The following PCDHGA3 variants were observed in gnomAD, a reference collection of about 807,000 sequenced individuals.
PCDHGA3 encodes protocadherin gamma-A3.
Under a neutral mutation model 58.5 loss-of-function variants are expected in PCDHGA3, and 40 were observed. The ratio of observed to expected loss-of-function variants is 0.68; its 90% CI spans 0.53 to 0.89. The LOEUF (loss-of-function observed/expected upper bound fraction) is 0.89. Among genes scored for constraint, PCDHGA3 ranks in the 40% least tolerant of loss-of-function variants. The pLI, the probability that PCDHGA3 is intolerant of heterozygous loss-of-function variation, is 0.00. For missense variants in PCDHGA3, 1,223 were observed against 1,195.9 expected, an observed-to-expected ratio of 1.02 and a Z score of -0.33; for synonymous variants, 530 against 525.7, an observed-to-expected ratio of 1.01 and a Z score of -0.11.
Position 141,486,006 on chromosome 5 carries a change from C to G in PCDHGA3, c.2425-8801C>G, listed in dbSNP as rs1394484191. The G allele has an allele frequency of 1.9e-6, 3 of 1,614,190 alleles. No individual in the cohort carries two copies. The highest frequency in any genetic ancestry group is 1.1e-5 in the South Asian group (1 of 91,084). On this transcript the variant is annotated intron_variant, in intron 1 of 3. Transcript: ENST00000253812. The surrounding 1 kb of genome is among the most constrained non-coding windows in gnomAD (Gnocchi z 5.0). Reference sequence around the variant, plus strand: ...GACCTGGGTCCCAGTGGTAACGTCACCTTTTATTTCAGTGGTCATACCCCT... The same window carrying G: ...GACCTGGGTCCCAGTGGTAACGTCAGCTTTTATTTCAGTGGTCATACCCCT...
At chr5:141,351,774 C>T in intron 1 of PCDHGA3, 1 of 1,613,528 alleles carries the variant, frequency 6.2e-7, no homozygotes, top group East Asian at 2.2e-5. Context: ...TCCGTGAGCC[C>T]GCAGAGCGGG....
chr5:141,357,273 C>CT (rs1760531497), intron 1 of PCDHGA3: 1 of 1,613,734 alleles, frequency 6.2e-7, no homozygotes, highest in South Asian at 1.1e-5. Flanking sequence ...GCCTCACACT[C>CT]TATCTCGTGG....
chr5:141,475,644 A>C (rs1021491842), intron 1 of PCDHGA3, among the ~76,000 whole-genome samples: 2 of 152,238 alleles, frequency 1.3e-5, no homozygotes, highest in Non-Finnish European at 2.9e-5. Context: ...TCTTGTGATC[A>C]AAGAAAGTGA....
intron 1 of PCDHGA3, among the ~76,000 whole-genome samples, chr5:141,359,359 C>A: frequency 6.6e-6 from 1 of 151,714 alleles, no homozygotes; most frequent in East Asian, 1.9e-4. Context: ...GTTTTAAAGG[C>A]CTAGGAAAGC....
intron 1 of PCDHGA3, chr5:141,427,971 C>A (rs764145525): frequency 1.3e-6 from 2 of 1,593,630 alleles, no homozygotes; most frequent in Non-Finnish European, 1.7e-6. Flanking sequence ...GGTGCTGTAC[C>A]CCGCGCTGGG....
intron 1 of PCDHGA3, chr5:141,441,823 C>T (rs538052540): frequency 3.9e-5 from 14 of 357,336 alleles, no homozygotes; most frequent in Non-Finnish European, 6.6e-5. Context: ...AGCTCTGGAG[C>T]GCAATGGCTT....
intron 1 of PCDHGA3, chr5:141,371,489 C>A (rs548103153): frequency 6.2e-6 from 10 of 1,613,918 alleles, no homozygotes; most frequent in Non-Finnish European, 8.5e-6. Flanking sequence ...TGGGGACTGC[C>A]GTTGCCCTGA....
chr5:141,376,310 G>A (rs1211342702), intron 1 of PCDHGA3: 5 of 1,613,822 alleles, frequency 3.1e-6, no homozygotes, highest in East Asian at 2.2e-5. Flanking sequence ...CTTTGTGGGC[G>A]TGGAAGGGGT....
At chr5:141,366,469 G>T (rs575828819) in intron 1 of PCDHGA3, 4 of 1,614,256 alleles carry the variant, frequency 2.5e-6, no homozygotes, top group Admixed American at 1.7e-5. Context: ...TGCTGCTGGT[G>T]CTCAGACTGA....
chr5:141,349,980 G>C (rs941978802), intron 1 of PCDHGA3: 16 of 301,608 alleles, frequency 5.3e-5, no homozygotes, highest in African/African-American at 2.6e-4. Context: ...GATTCAAGAG[G>C]TTGCGCTTTG....
intron 1 of PCDHGA3, chr5:141,479,198 GA>G (rs1288699377): frequency 6.6e-6 from 1 of 152,304 alleles, no homozygotes; most frequent in African/African-American, 2.4e-5. Context: ...AGAAAATACA[GA>G]AAAGTATTTA....
chr5:141,455,690 C>A (rs1209152869), intron 1 of PCDHGA3, among the ~76,000 whole-genome samples: 1 of 152,064 alleles, frequency 6.6e-6, no homozygotes, highest in East Asian at 1.9e-4. Context: ...CTGTGGGAAT[C>A]GCCAAGTTGA....
intron 1 of PCDHGA3, chr5:141,356,868 C>A: frequency 6.2e-7 from 1 of 1,614,206 alleles, no homozygotes; most frequent in Non-Finnish European, 8.5e-7. Context: ...TGGACCAGAA[C>A]GACAATGTCC....
intron 1 of PCDHGA3, among the ~76,000 whole-genome samples, chr5:141,443,376 T>C (rs1365277469): frequency 6.6e-6 from 1 of 151,990 alleles, no homozygotes; most frequent in Admixed American, 6.6e-5. Flanking sequence ...TCTCAGCTAC[T>C]TGGGAGGCTG....
At chr5:141,410,765 T>C (rs1238144239) in intron 1 of PCDHGA3, 1 of 1,066,570 alleles carries the variant, frequency 9.4e-7, no homozygotes, top group Non-Finnish European at 1.3e-6. Flanking sequence ...TTTTCAATTA[T>C]AGTTTTCACT....
At chr5:141,404,153 T>G in intron 1 of PCDHGA3, 1 of 1,613,010 alleles carries the variant, frequency 6.2e-7, no homozygotes, top group Non-Finnish European at 8.5e-7. Context: ...AGAAGAAGAT[T>G]ATTACAGATT....
chr5:141,468,847 C>T (rs2099182933), intron 1 of PCDHGA3, among the ~76,000 whole-genome samples: 1 of 151,986 alleles, frequency 6.6e-6, no homozygotes, highest in African/African-American at 2.4e-5. Flanking sequence ...GCCTGGGCAA[C>T]AGAGCGAGAC....
intron 1 of PCDHGA3, among the ~76,000 whole-genome samples, chr5:141,381,177 C>G (rs935775632): frequency 6.6e-6 from 1 of 152,214 alleles, no homozygotes; most frequent in African/African-American, 2.4e-5. Context: ...TCCCACAAAA[C>G]GAAGTTAAGC....
rs751024373 is a variant in PCDHGA3, at chr5:141,491,801, G to T, written c.2425-3006G>T. 1 of 1,500,844 alleles carries T rather than the reference G, an allele frequency of 6.7e-7. No homozygotes were observed. Among genetic ancestry groups the T allele is most frequent in the Non-Finnish European group, 8.9e-7 (1 of 1,125,292 alleles). 93.0% of individuals were successfully genotyped at this position (1,500,844 alleles called of 1,614,324 possible). ...AACTTGCATCCACTCCTCTCCGGCCGGCTTGGTCGCTGGCTGCGCTCCACC... is the reference window on the plus strand; with the variant it reads ...AACTTGCATCCACTCCTCTCCGGCCTGCTTGGTCGCTGGCTGCGCTCCACC... On this transcript the variant is annotated intron_variant, in intron 1 of 3. Transcript: ENST00000253812. This position sits in a 1 kb window ranked among gnomAD's most constrained non-coding sequence, Gnocchi z 6.9.
Sources: allele counts gnomAD v4.1 joint callset (sites outside exome capture counted in the v4.1 genomes callset), GRCh38; gene constraint gnomAD v4.1.1; non-coding constraint Gnocchi (gnomAD v3.1); transcripts MANE v1.5; gene names NCBI Gene and HGNC (gene_info 2026-07-23, HGNC 2026-07-21).